OSBPL10: variants seen among roughly 807,000 people sequenced by gnomAD.
The protein encoded by OSBPL10 is oxysterol-binding protein-related protein 10.
OSBPL10 carries 49 observed loss-of-function variants against 81.7 expected under a neutral mutation model. That is an observed-to-expected ratio of 0.60 (90% confidence interval 0.48 to 0.76). The LOEUF (loss-of-function observed/expected upper bound fraction) is 0.76. Ranked by LOEUF, OSBPL10 falls within the 30% of genes least tolerant of loss-of-function variation. The pLI is 0.00. For synonymous variants in OSBPL10, 419 were observed against 383.6 expected, an observed-to-expected ratio of 1.09 and a Z score of -1.08; for missense variants, 923 against 987.8, an observed-to-expected ratio of 0.93 and a Z score of 0.88.
chr3:31,957,681 C>T (rs1296780195), intron 1 of OSBPL10, among the ~76,000 whole-genome samples: 1 of 152,084 alleles, frequency 6.6e-6, no homozygotes, highest in African/African-American at 2.4e-5. Context: ...TGCTCTGTCG[C>T]CCTGGCTGGA....
At chr3:32,048,307 A>G (rs1170330647) in intron 1 of OSBPL10, among the ~76,000 whole-genome samples, 1 of 84,874 alleles carries the variant, frequency 1.2e-5, no homozygotes, top group Non-Finnish European at 2.2e-5. Context: ...AGACACTACT[A>G]CTATTTTTTT....
chr3:31,971,889 T>G (rs1399636169), intron 1 of OSBPL10, among the ~76,000 whole-genome samples: 4 of 152,232 alleles, frequency 2.6e-5, no homozygotes, highest in African/African-American at 9.6e-5. Context: ...CAGAAAAGTC[T>G]GCTCCCCTCT....
chr3:32,044,602 G>T (rs547830957), intron 2 of OSBPL10, among the ~76,000 whole-genome samples: 1 of 151,160 alleles, frequency 6.6e-6, no homozygotes, highest in Non-Finnish European at 1.5e-5. Context: ...TTAGTCAGGC[G>T]TGGTAGCACA....
chr3:31,945,024 A>G (rs1030620103), intron 1 of OSBPL10, among the ~76,000 whole-genome samples: 1 of 151,176 alleles, frequency 6.6e-6, no homozygotes, highest in Admixed American at 6.6e-5. Context: ...GGTGGCACAC[A>G]TGTGTAGTCC....
chr3:31,836,609 C>A (rs1695184369), intron 3 of OSBPL10, among the ~76,000 whole-genome samples: 1 of 150,448 alleles, frequency 6.6e-6, no homozygotes. Context: ...GCTCTGGAAT[C>A]CCTAGCCAGT....
rs868754356 is a variant in OSBPL10 at position 31,965,775 on chromosome 3, A to G, written c.281+15124T>C. ...TATATTATATTAAAAGATAATATAT[A>G]TTATATAAATAGATAAGATATATTA... On this transcript the variant is annotated intron_variant, in intron 1 of 11. Coordinates refer to ENST00000396556, the MANE Select transcript of OSBPL10 (RefSeq NM_017784.5). Among the ~76,000 whole-genome samples, 145 of 75,814 alleles carry G rather than the reference A, an allele frequency of 1.9e-3. 4 individuals carry two copies. Among genetic ancestry groups the G allele is most frequent in the African/African-American group, 8.1e-3 (135 of 16,736 alleles). The allele number at this position is 75,814 out of a possible 152,430, so 49.7% of individuals were successfully genotyped here.
chr3:32,009,664 C>G (rs1404727543), intron 2 of OSBPL10, among the ~76,000 whole-genome samples: 1 of 152,048 alleles, frequency 6.6e-6, no homozygotes, highest in Non-Finnish European at 1.5e-5. Flanking sequence ...TTGAATAAGC[C>G]CTGCACCACA....
chr3:31,664,367 T>A, intron 10 of OSBPL10, 135 bp from the exon 11 acceptor site: 1 of 785,778 alleles, frequency 1.3e-6, no homozygotes, highest in Non-Finnish European at 2.0e-6. Flanking sequence ...CCCAGATACC[T>A]CAAAGACCCC....
intron 1 of OSBPL10, among the ~76,000 whole-genome samples, chr3:31,880,297 G>C (rs1695524992): frequency 6.6e-6 from 1 of 152,206 alleles, no homozygotes; most frequent in Non-Finnish European, 1.5e-5. Flanking sequence ...GGTACCATAA[G>C]GAGCCTGAGC....
rs189664389 is a variant in OSBPL10, at chr3:31,853,961, T to G, written c.537+22472A>C. On this transcript the variant is annotated intron_variant, in intron 3 of 11. Transcript: ENST00000396556. ...GCCTATTTAAAAAGCAAGACATATC[T>G]TATAAGGATATTGTAAGGATTAAAC... Among the ~76,000 whole-genome samples the G allele has an allele frequency of 1.9e-3, 282 of 152,340 alleles. 1 individual carries two copies. Among genetic ancestry groups the G allele is most frequent in the African/African-American group, 6.6e-3 (274 of 41,582 alleles).
chr3:31,876,903 C>CTTTT (rs35788348), intron 2 of OSBPL10, among the ~76,000 whole-genome samples: 26 of 131,750 alleles, frequency 2.0e-4, no homozygotes, highest in East Asian at 1.1e-3. Context: ...TCAAATGGCA[C>CTTTT]TTTTTTTTTT....
At chr3:31,846,862 T>C (rs976046256) in intron 3 of OSBPL10, among the ~76,000 whole-genome samples, 1 of 152,116 alleles carries the variant, frequency 6.6e-6, no homozygotes, top group Non-Finnish European at 1.5e-5. Flanking sequence ...TGTATCTGAG[T>C]GTACATCCTT....
intron 1 of OSBPL10, among the ~76,000 whole-genome samples, chr3:32,051,540 A>T (rs1312823916): frequency 2.6e-5 from 4 of 152,008 alleles, no homozygotes; most frequent in African/African-American, 9.7e-5. Flanking sequence ...GAGAGATAAG[A>T]CTCCTATGGG....
intron 4 of OSBPL10, among the ~76,000 whole-genome samples, chr3:31,812,189 G>A (rs1349896766): frequency 6.6e-6 from 1 of 152,064 alleles, no homozygotes; most frequent in African/African-American, 2.4e-5. Context: ...CTGCCACCAT[G>A]CCCAGCTAAT....
intron 1 of OSBPL10, among the ~76,000 whole-genome samples, chr3:31,955,285 A>G (rs1201794303): frequency 6.6e-6 from 1 of 152,250 alleles, no homozygotes; most frequent in Non-Finnish European, 1.5e-5. Flanking sequence ...TACCATCACA[A>G]CTTCCCTGCA....
chr3:31,805,097 T>C (rs1699489164), intron 4 of OSBPL10, among the ~76,000 whole-genome samples: 1 of 152,238 alleles, frequency 6.6e-6, no homozygotes, highest in African/African-American at 2.4e-5. Flanking sequence ...CAAGACTTTG[T>C]CTTGATTACA....
intron 4 of OSBPL10, among the ~76,000 whole-genome samples, chr3:31,805,856 T>C (rs1218711945): frequency 1.3e-5 from 2 of 152,188 alleles, no homozygotes; most frequent in African/African-American, 4.8e-5. Flanking sequence ...AAGCTTACAA[T>C]AACGATGACG....
chr3:31,956,557 A>G (rs938462980), intron 1 of OSBPL10, among the ~76,000 whole-genome samples: 20 of 152,242 alleles, frequency 1.3e-4, no homozygotes, highest in Admixed American at 9.2e-4. Flanking sequence ...TGTCTCTACT[A>G]AAAATACAAA....
chr3:31,743,536 G>A (rs532039557), intron 5 of OSBPL10, among the ~76,000 whole-genome samples: 6 of 152,272 alleles, frequency 3.9e-5, no homozygotes, highest in South Asian at 2.1e-4. Context: ...CAAAAACAGC[G>A]TAATGAGCAA....
Sources: allele counts gnomAD v4.1 joint callset (sites outside exome capture counted in the v4.1 genomes callset), GRCh38; gene constraint gnomAD v4.1.1; transcripts MANE v1.5; gene names NCBI Gene and HGNC (gene_info 2026-07-23, HGNC 2026-07-21).